The following DLGAP2 variants were observed in gnomAD, a reference collection of about 807,000 sequenced individuals.
DLGAP2 encodes disks large-associated protein 2.
DLGAP2 carries 26 observed loss-of-function variants against 100.3 expected under a neutral mutation model. The observed-to-expected ratio is 0.26, with a 90% CI of 0.19 to 0.36. The LOEUF is 0.36. Ranked by LOEUF, DLGAP2 falls within the 10% of genes least tolerant of loss-of-function variation. The pLI is 1.00. For synonymous variants in DLGAP2, 886 were observed against 630.1 expected (o/e 1.41, Z -6.08); for missense variants, 1,858 against 1,453.2 (o/e 1.28, Z -4.53).
At chr8:1,121,677 A>C (rs1016653707) in intron 2 of DLGAP2, among the ~76,000 whole-genome samples, 3 of 149,968 alleles carry the variant, frequency 2.0e-5, no homozygotes, top group Admixed American at 2.0e-4. Flanking sequence ...ACCCCTGACC[A>C]CCCAACCTCA....
chr8:1,066,952 C>A (rs575021079), intron 2 of DLGAP2, among the ~76,000 whole-genome samples: 56 of 152,334 alleles, frequency 3.7e-4, no homozygotes, highest in African/African-American at 1.3e-3. Flanking sequence ...CAGCAGGCGG[C>A]CCAGTGGCTT....
intron 12 of DLGAP2, among the ~76,000 whole-genome samples, chr8:1,682,257 G>C (rs1798970392): frequency 6.6e-6 from 1 of 152,190 alleles, no homozygotes; most frequent in South Asian, 2.1e-4. Flanking sequence ...TAAGTGGCAG[G>C]AGCTGTAAGG....
At chr8:1,665,912 C>T (rs1444575516) in intron 8 of DLGAP2, among the ~76,000 whole-genome samples, 1 of 152,248 alleles carries the variant, frequency 6.6e-6, no homozygotes, top group African/African-American at 2.4e-5. Context: ...ACATCTCCAC[C>T]CGCGGGCTCT....
chr8:779,860 A>G (rs1005602036), intron 1 of DLGAP2, among the ~76,000 whole-genome samples: 1 of 151,890 alleles, frequency 6.6e-6, no homozygotes, highest in South Asian at 2.1e-4. Flanking sequence ...TTAATTATAA[A>G]TTTATATTTT....
At chr8:1,083,072 G>A (rs538060036) in intron 2 of DLGAP2, among the ~76,000 whole-genome samples, 86 of 152,326 alleles carry the variant, frequency 5.6e-4, no homozygotes, top group African/African-American at 2.1e-3. Context: ...TGTCAGTCAA[G>A]CCAACAAGAG....
intron 2 of DLGAP2, among the ~76,000 whole-genome samples, chr8:1,240,640 TTC>T (rs1240029817): frequency 6.9e-6 from 1 of 144,856 alleles, no homozygotes; most frequent in African/African-American, 2.6e-5. Flanking sequence ...TCACGTCTAG[TTC>T]TCTCTCACAC....
chr8:1,234,425 G>A (rs1184196460), intron 2 of DLGAP2, among the ~76,000 whole-genome samples: 2 of 152,156 alleles, frequency 1.3e-5, no homozygotes, highest in Non-Finnish European at 1.5e-5. Flanking sequence ...CACTCCCTGT[G>A]GGTCTGATTC....
chr8:964,967 A>G (rs966330277), intron 2 of DLGAP2, among the ~76,000 whole-genome samples: 5 of 151,766 alleles, frequency 3.3e-5, no homozygotes, highest in African/African-American at 1.2e-4. Flanking sequence ...CCTGAGCCCA[A>G]CCCCCGCGTG....
At chr8:1,118,864 A>G (rs1795964012) in intron 2 of DLGAP2, among the ~76,000 whole-genome samples, 1 of 152,236 alleles carries the variant, frequency 6.6e-6, no homozygotes, top group Non-Finnish European at 1.5e-5. Flanking sequence ...CCTCGAAATG[A>G]CACCAACACC....
intron 3 of DLGAP2, among the ~76,000 whole-genome samples, chr8:1,468,242 A>C (rs1798679662): frequency 6.6e-6 from 1 of 151,522 alleles, no homozygotes; most frequent in Non-Finnish European, 1.5e-5. Context: ...GTCGGTTCTG[A>C]GAATTGTGCC....
At chr8:888,459 CT>C (rs1467607803) in intron 1 of DLGAP2, among the ~76,000 whole-genome samples, 1 of 152,144 alleles carries the variant, frequency 6.6e-6, no homozygotes, top group Non-Finnish European at 1.5e-5. Context: ...ACCCTCTGGC[CT>C]TTTGGGTTTT....
chr8:1,452,396 G>T lies in DLGAP2; in HGVS notation c.107-48970G>T, dbSNP rs575375476. Among the ~76,000 whole-genome samples the T allele has an allele frequency of 2.6e-5, 4 of 152,352 alleles. No individual in the cohort carries two copies. In the South Asian group the frequency reaches 6.2e-4, roughly 24 times the overall value. ...AGCCCTGAGCCGAGGCTATGCGTGC[G>T]ACAGGTTCATCAGCCCCAGCTGGGG... On this transcript the variant is annotated intron_variant, in intron 3 of 14. Transcript: ENST00000637795.
chr8:1,240,232 C>CACATGGCGCCGTGTCTAGTTCTCTT (rs1491282840), intron 2 of DLGAP2, among the ~76,000 whole-genome samples: 37 of 75,988 alleles, frequency 4.9e-4, no homozygotes, highest in African/African-American at 1.4e-3. Flanking sequence ...CTAGTTCTCT[C>CACATGGCGCCGTGTCTAGTTCTCTT]ACATGGCGCC....
At chr8:1,531,235 CGTGTGCGTGTGT>C (rs1224213237) in intron 4 of DLGAP2, among the ~76,000 whole-genome samples, 4 of 140,226 alleles carry the variant, frequency 2.9e-5, no homozygotes, top group African/African-American at 5.6e-5. Flanking sequence ...TATTAGAGAG[CGTGTGCGTGTGT>C]GTGTGTGTGT....
intron 5 of DLGAP2, among the ~76,000 whole-genome samples, chr8:1,561,695 T>C (rs1248287602): frequency 6.7e-6 from 1 of 150,344 alleles, no homozygotes; most frequent in Non-Finnish European, 1.5e-5. Context: ...CGCGCCTCGT[T>C]ACTGGGGGAC....
At chr8:1,428,566 C>T (rs548416009) in intron 3 of DLGAP2, among the ~76,000 whole-genome samples, 1 of 152,280 alleles carries the variant, frequency 6.6e-6, no homozygotes, top group East Asian at 1.9e-4. Flanking sequence ...AGATTGACTG[C>T]TGGGAACAGA....
chr8:1,314,995 G>A (rs897921504), intron 3 of DLGAP2, among the ~76,000 whole-genome samples: 4 of 152,228 alleles, frequency 2.6e-5, no homozygotes, highest in Admixed American at 6.5e-5. Flanking sequence ...AGCCGCCGTT[G>A]CGTGTTTTTA....
intron 6 of DLGAP2, among the ~76,000 whole-genome samples, chr8:1,570,615 G>C (rs369493642): frequency 2.9e-4 from 44 of 152,304 alleles, no homozygotes; most frequent in African/African-American, 1.0e-3. Context: ...CTGTGGAGGC[G>C]TCTGCTGGGA....
intron 8 of DLGAP2, among the ~76,000 whole-genome samples, chr8:1,653,935 T>C (rs1798224496): frequency 6.6e-6 from 1 of 152,186 alleles, no homozygotes; most frequent in South Asian, 2.1e-4. Flanking sequence ...ATTGTTTTAT[T>C]AATTTTTTAA....
Sources: gnomAD v4.1 joint callset for allele counts (sites outside exome capture counted in the v4.1 genomes callset) on GRCh38, gnomAD v4.1.1 for gene constraint, MANE v1.5 for transcripts, NCBI Gene and HGNC (gene_info 2026-07-23, HGNC 2026-07-21) for gene names.